C13orf46: variants seen among roughly 807,000 people sequenced by gnomAD.
C13orf46 encodes uncharacterized protein C13orf46.
At chr13:113,949,947 G>A (rs1193565800), downstream of C13orf46, among the ~76,000 whole-genome samples, 4 of 151,726 alleles carry the variant, frequency 2.6e-5, no homozygotes, top group Non-Finnish European at 4.4e-5. Flanking sequence ...TGGAGAATAC[G>A]GTCATCACCC....
At chr13:113,968,987 GTACAGCCAGGGTCTGGACTGGGAT>G (rs2052677063) in intron 2 of C13orf46, among the ~76,000 whole-genome samples, 1 of 152,220 alleles carries the variant, frequency 6.6e-6, no homozygotes, top group Admixed American at 6.5e-5. Context: ...AACTTACCCT[GTACAGCCAGGGTCTGGACTGGGAT>G]TACAGCCAAC....
chr13:113,949,990 G>T (rs1319916818), downstream of C13orf46, among the ~76,000 whole-genome samples: 2 of 151,466 alleles, frequency 1.3e-5, no homozygotes, highest in Non-Finnish European at 2.9e-5. Context: ...TCCATCTGTA[G>T]AGTGGGGTCC....
downstream of C13orf46, among the ~76,000 whole-genome samples, chr13:113,951,566 C>G (rs1226930243): frequency 7.2e-5 from 11 of 152,144 alleles, no homozygotes; most frequent in Admixed American, 6.5e-4. Flanking sequence ...CCCAGCCAGG[C>G]CCAGGCCCCA....
chr13:113,950,124 G>A (rs1214691301), downstream of C13orf46, among the ~76,000 whole-genome samples: 1 of 81,994 alleles, frequency 1.2e-5, no homozygotes, highest in Non-Finnish European at 2.6e-5. Context: ...AGAGACCTCG[G>A]TGCTCCCATC....
At chr13:113,934,143 CT>C in the C13orf46 span, among the ~76,000 whole-genome samples, 1 of 152,152 alleles carries the variant, frequency 6.6e-6, no homozygotes. Context: ...GGAATGCAGC[CT>C]TTGAGATGGA....
chr13:113,935,135 G>A, the C13orf46 span, among the ~76,000 whole-genome samples: 5 of 152,346 alleles, frequency 3.3e-5, no homozygotes, highest in African/African-American at 9.6e-5. Context: ...CCGAGGGGGG[G>A]AACAGTTTCC....
At chr13:113,937,878 C>T in the C13orf46 span, among the ~76,000 whole-genome samples, 103 of 152,310 alleles carry the variant, frequency 6.8e-4, 4 homozygotes, top group Admixed American at 3.9e-3. Context: ...AGGAAGTGAT[C>T]AGCTGTGTGC....
chr13:113,930,330 C>G, the C13orf46 span, among the ~76,000 whole-genome samples: 1 of 151,384 alleles, frequency 6.6e-6, no homozygotes, highest in South Asian at 2.1e-4. Flanking sequence ...GAAGGAGCAC[C>G]GGGGTGGGAG....
chr13:113,942,004 G>A, the C13orf46 span, among the ~76,000 whole-genome samples: 14 of 152,334 alleles, frequency 9.2e-5, no homozygotes, highest in Admixed American at 5.2e-4. Context: ...GCCCAGAGCC[G>A]GAGGCTCACC....
intron 6 of C13orf46, among the ~76,000 whole-genome samples, chr13:113,963,725 G>A (rs1393582323): frequency 1.4e-5 from 2 of 147,776 alleles, no homozygotes; most frequent in African/African-American, 4.9e-5. Flanking sequence ...CCTCAGTGTC[G>A]AAAGTCAGGT....
chr13:113,930,942 G>A, the C13orf46 span, among the ~76,000 whole-genome samples: 1 of 152,236 alleles, frequency 6.6e-6, no homozygotes, highest in Non-Finnish European at 1.5e-5. Flanking sequence ...ACGGCCTCCA[G>A]GGCCAGGCTG....
At chr13:113,929,639 G>A in the C13orf46 span, among the ~76,000 whole-genome samples, 111 of 152,324 alleles carry the variant, frequency 7.3e-4, no homozygotes, top group African/African-American at 2.4e-3. Flanking sequence ...GGGTGAAGTC[G>A]CGCTGTGAGT....
chr13:113,950,460 T>C (rs993526695), downstream of C13orf46, among the ~76,000 whole-genome samples: 25 of 144,416 alleles, frequency 1.7e-4, no homozygotes, highest in South Asian at 4.5e-4. Flanking sequence ...CCCCCTGCCT[T>C]GGGCACCTCG....
intron 6 of C13orf46, among the ~76,000 whole-genome samples, chr13:113,958,063 G>T (rs1256043775): frequency 6.9e-6 from 1 of 145,154 alleles, no homozygotes; most frequent in Non-Finnish European, 1.5e-5. Context: ...GCACCGGGGG[G>T]GTCTCCCCTG....
the C13orf46 span, among the ~76,000 whole-genome samples, chr13:113,945,664 GAAAGAAAGGAAAGAA>G: frequency 7.4e-6 from 1 of 135,032 alleles, no homozygotes; most frequent in African/African-American, 2.7e-5. Flanking sequence ...AAGAAAGAAA[GAAAGAAAGGAAAGAA>G]AAACAAACCA....
chr13:113,927,272 AG>A, the C13orf46 span: 2,175 of 343,478 alleles, frequency 6.3e-3, 38 homozygotes, highest in African/African-American at 0.042. Context: ...CTAGGGGCTA[AG>A]GGTATGGGGA....
intron 6 of C13orf46, among the ~76,000 whole-genome samples, chr13:113,963,700 A>T (rs2052611476): frequency 8.4e-6 from 1 of 119,568 alleles, no homozygotes; most frequent in Non-Finnish European, 2.0e-5. Flanking sequence ...CCTCAGCCTC[A>T]GCTGCAGCCA....
chr13:113,946,342 G>A, the C13orf46 span, among the ~76,000 whole-genome samples: 2 of 152,208 alleles, frequency 1.3e-5, no homozygotes, highest in Non-Finnish European at 2.9e-5. Flanking sequence ...TTGGAACAGG[G>A]TTTCCCAGGA....
intron 6 of C13orf46, among the ~76,000 whole-genome samples, chr13:113,959,213 A>T (rs1394596503): frequency 6.6e-6 from 1 of 152,186 alleles, no homozygotes; most frequent in Non-Finnish European, 1.5e-5. Context: ...TGGAGGTTGC[A>T]GTGAGCTGGG....
Sources: gnomAD v4.1 joint callset for allele counts (sites outside exome capture counted in the v4.1 genomes callset) on GRCh38, gnomAD v4.1.1 for gene constraint, MANE v1.5 for transcripts, NCBI Gene and HGNC (gene_info 2026-07-23, HGNC 2026-07-21) for gene names.